FHIT: variants seen among roughly 807,000 people sequenced by gnomAD.
FHIT encodes bis(5'-adenosyl)-triphosphatase.
A neutral mutation model predicts 17.9 loss-of-function variants in FHIT; 19 were observed. The observed-to-expected ratio is 1.06, with a 90% confidence interval of 0.74 to 1.56. FHIT has a LOEUF of 1.56. Ranked by LOEUF, FHIT falls within the 40% of genes most tolerant of loss-of-function variation. The pLI, the probability that FHIT is intolerant of heterozygous loss-of-function variation, is 0.00. For missense variants in FHIT, 248 were observed against 189.2 expected (o/e 1.31, Z -1.82); for synonymous variants, 81 against 69.7 (o/e 1.16, Z -0.81).
At chr3:60,330,138 A>G (rs1229472809) in intron 5 of FHIT, among the ~76,000 whole-genome samples, 1 of 152,182 alleles carries the variant, frequency 6.6e-6, no homozygotes, top group Non-Finnish European at 1.5e-5. Context: ...CTTCTTGATA[A>G]TTCACTCTGT....
chr3:60,283,363 A>T (rs1352779347), intron 5 of FHIT, among the ~76,000 whole-genome samples: 2 of 152,118 alleles, frequency 1.3e-5, no homozygotes, highest in Admixed American at 1.3e-4. Flanking sequence ...ATATATATTA[A>T]TACATATCAT....
intron 5 of FHIT, among the ~76,000 whole-genome samples, chr3:60,075,590 T>A (rs1452279732): frequency 6.6e-6 from 1 of 152,100 alleles, no homozygotes; most frequent in African/African-American, 2.4e-5. Flanking sequence ...CCATGCAACT[T>A]CTCAGTAACT....
intron 8 of FHIT, among the ~76,000 whole-genome samples, chr3:59,830,648 T>C (rs1701132155): frequency 6.6e-6 from 1 of 152,214 alleles, no homozygotes; most frequent in African/African-American, 2.4e-5. Context: ...AGTCTAAACA[T>C]TCAATGCAAT....
intron 2 of FHIT, among the ~76,000 whole-genome samples, chr3:61,183,860 G>C (rs2038420314): frequency 6.6e-6 from 1 of 151,914 alleles, no homozygotes; most frequent in Admixed American, 6.6e-5. Flanking sequence ...GCAGGTCTCG[G>C]TGGCATTAAT....
intron 5 of FHIT, among the ~76,000 whole-genome samples, chr3:60,089,822 T>C (rs1470855911): frequency 1.3e-5 from 2 of 152,174 alleles, no homozygotes; most frequent in Non-Finnish European, 2.9e-5. Context: ...CACCTCCCAA[T>C]GGCAACATCT....
chr3:60,682,058 G>T (rs1553697052), intron 4 of FHIT, among the ~76,000 whole-genome samples: 1 of 150,918 alleles, frequency 6.6e-6, no homozygotes, highest in Non-Finnish European at 1.5e-5. Flanking sequence ...TGCAACCTCT[G>T]CCTCCCGGGT....
At chr3:60,143,711 C>A (rs1700126819) in intron 5 of FHIT, among the ~76,000 whole-genome samples, 1 of 147,254 alleles carries the variant, frequency 6.8e-6, no homozygotes, top group African/African-American at 2.5e-5. Flanking sequence ...TTCTAAATGG[C>A]TTACCATAAC....
chr3:60,491,782 G>C (rs995421418), intron 5 of FHIT, among the ~76,000 whole-genome samples: 2 of 152,056 alleles, frequency 1.3e-5, no homozygotes, highest in Non-Finnish European at 2.9e-5. Flanking sequence ...TGAAATATTT[G>C]GGGTAGGCCA....
Position 60,827,598 on chromosome 3 carries a change from C to T in FHIT, c.-110-5587G>A, listed in dbSNP as rs1702173829. Among the ~76,000 whole-genome samples the T allele has an allele frequency of 2.0e-5, 3 of 152,192 alleles. No homozygotes were observed. In the South Asian group the frequency reaches 6.2e-4, roughly 32 times the overall value. On this transcript the variant is annotated intron_variant, in intron 3 of 9. Coordinates refer to ENST00000492590, the MANE Select transcript of FHIT (RefSeq NM_002012.4). ...TACTACACTGAATCATTTAATTTGT[C>T]TGAGTAAGTACTTATAATAATGTGG...
At chr3:59,981,688 A>C (rs575006936) in intron 7 of FHIT, among the ~76,000 whole-genome samples, 45 of 152,272 alleles carry the variant, frequency 3.0e-4, no homozygotes, top group Admixed American at 5.9e-4. Flanking sequence ...AACAGTTCTT[A>C]TGGAGTCTCT....
chr3:61,144,816 C>T (rs898274078), intron 2 of FHIT, among the ~76,000 whole-genome samples: 1 of 152,148 alleles, frequency 6.6e-6, no homozygotes, highest in Non-Finnish European at 1.5e-5. Context: ...CTAAGCATCT[C>T]TTCGTGTGCT....
Position 61,144,510 on chromosome 3 carries a change from A to C in FHIT, c.-164+56107T>G, listed in dbSNP as rs538827910. On this transcript the variant is annotated intron_variant, in intron 2 of 9. Coordinates refer to ENST00000492590, the MANE Select transcript of FHIT (RefSeq NM_002012.4). Reference sequence around the variant, plus strand: ...ATAATGCTACTATGAACATTCATGTACAAGTTTTTGTGTGGATATGTTTTT... The same window carrying C: ...ATAATGCTACTATGAACATTCATGTCCAAGTTTTTGTGTGGATATGTTTTT... 2.0e-5 allele frequency among the ~76,000 whole-genome samples: 3 copies of C among 152,210 alleles called. No individual in the cohort carries two copies. The South Asian group carries it at 6.2e-4, about 31-fold the overall frequency.
chr3:60,276,651 G>A (rs1161943078), intron 5 of FHIT, among the ~76,000 whole-genome samples: 1 of 152,180 alleles, frequency 6.6e-6, no homozygotes, highest in African/African-American at 2.4e-5. Flanking sequence ...ACCTGAGACT[G>A]GGTAATTTTT....
intron 1 of FHIT, among the ~76,000 whole-genome samples, chr3:61,232,043 C>T (rs2040117912): frequency 1.3e-5 from 2 of 152,158 alleles, no homozygotes; most frequent in Non-Finnish European, 2.9e-5. Flanking sequence ...TTGACATTTG[C>T]CTTTAACAAA....
intron 3 of FHIT, among the ~76,000 whole-genome samples, chr3:60,902,169 T>C (rs1401173155): frequency 6.6e-6 from 1 of 152,202 alleles, no homozygotes; most frequent in Non-Finnish European, 1.5e-5. Flanking sequence ...CCATAGTCAA[T>C]CTTTACCCTA....
At chr3:60,985,107 A>G (rs895572569) in intron 3 of FHIT, among the ~76,000 whole-genome samples, 1 of 152,100 alleles carries the variant, frequency 6.6e-6, no homozygotes, top group African/African-American at 2.4e-5. Flanking sequence ...ACAGAACGTA[A>G]TCCAAGCTCA....
chr3:59,764,427 C>T (rs1701689927), intron 8 of FHIT, among the ~76,000 whole-genome samples: 1 of 152,198 alleles, frequency 6.6e-6, no homozygotes, highest in Non-Finnish European at 1.5e-5. Context: ...CTTCTTTCTA[C>T]AATAGGATCA....
intron 5 of FHIT, among the ~76,000 whole-genome samples, chr3:60,346,495 G>A (rs1344634158): frequency 6.6e-6 from 1 of 152,194 alleles, no homozygotes; most frequent in Admixed American, 6.5e-5. Context: ...CAGGGGAGGA[G>A]CCTGTGCTCT....
chr3:60,714,688 C>T (rs1222295260), intron 4 of FHIT, among the ~76,000 whole-genome samples: 4 of 152,118 alleles, frequency 2.6e-5, no homozygotes, highest in Non-Finnish European at 5.9e-5. Flanking sequence ...TTCACAACTG[C>T]TTCAAAGAGA....
Sources: gnomAD v4.1 joint callset for allele counts (sites outside exome capture counted in the v4.1 genomes callset) on GRCh38, gnomAD v4.1.1 for gene constraint, MANE v1.5 for transcripts, NCBI Gene and HGNC (gene_info 2026-07-23, HGNC 2026-07-21) for gene names.